Variants in ZNF423 observed in about 807,000 individuals in gnomAD.
ZNF423 encodes the protein zinc finger protein 423, also known as Ebf-associated zinc finger protein.
In ZNF423, 12 loss-of-function variants were observed where a neutral mutation model predicts 95.8. The observed-to-expected ratio is 0.13, with a 90% CI of 0.08 to 0.20. The LOEUF (loss-of-function observed/expected upper bound fraction) is 0.20. Among genes scored for constraint, ZNF423 ranks in the 10% least tolerant of loss-of-function variants. The probability of loss-of-function intolerance (pLI) is 1.00; values close to 1 mark genes in which losing one functional copy is unlikely to be tolerated. For synonymous variants in ZNF423, 749 were observed against 711.9 expected (o/e 1.05, Z -0.83); for missense variants, 1,316 against 1,737.1 (o/e 0.76, Z 4.31).
intron 3 of ZNF423, among the ~76,000 whole-genome samples, chr16:49,669,735 C>G (rs555153951): frequency 1.2e-4 from 19 of 152,050 alleles, no homozygotes; most frequent in African/African-American, 4.6e-4. Flanking sequence ...TCCAGGTCAC[C>G]CCCCACACAG....
At chr16:49,566,171 T>C (rs1158074945) in intron 5 of ZNF423, among the ~76,000 whole-genome samples, 7 of 152,170 alleles carry the variant, frequency 4.6e-5, no homozygotes, top group African/African-American at 1.7e-4. Context: ...TCCTGGCTTC[T>C]CCACCTGCTA....
At chr16:49,506,489 G>A (rs1451278331) in intron 7 of ZNF423, among the ~76,000 whole-genome samples, 1 of 143,802 alleles carries the variant, frequency 7.0e-6, no homozygotes, top group African/African-American at 2.7e-5. Context: ...TGGATGGATG[G>A]ATAGATGAAA....
intron 4 of ZNF423, among the ~76,000 whole-genome samples, chr16:49,627,667 CAT>C (rs909188438): frequency 7.3e-5 from 11 of 150,734 alleles, no homozygotes; most frequent in African/African-American, 2.4e-4. Flanking sequence ...TACACACACA[CAT>C]ACCCATATAC....
rs1966882143 is a variant in ZNF423, at chr16:49,488,972, T to A, written c.*2303A>T. 1 of 152,334 alleles carries A rather than the reference T, an allele frequency of 6.6e-6. No homozygotes were observed. Among genetic ancestry groups the A allele is most frequent in the African/African-American group, 2.4e-5 (1 of 41,406 alleles). The allele number at this position is 152,334 out of a possible 1,614,324, so 9.4% of individuals were successfully genotyped here. On this transcript the variant is annotated 3_prime_UTR_variant, in exon 8 of 8. Coordinates refer to ENST00000563137, the MANE Select transcript of ZNF423 (RefSeq NM_001379286.1). ...TTCCCTGGCTGCCTTGTCACCGCCA[T>A]AAACCTCATTACCTCACGGTCCCCT...
chr16:49,555,041 A>G (rs1230441764), intron 5 of ZNF423, among the ~76,000 whole-genome samples: 3 of 152,100 alleles, frequency 2.0e-5, no homozygotes, highest in Non-Finnish European at 4.4e-5. Context: ...AAGGAGTATC[A>G]TTTTCTTCTG....
intron 7 of ZNF423, among the ~76,000 whole-genome samples, chr16:49,494,058 C>A (rs1281644297): frequency 6.6e-6 from 1 of 152,162 alleles, no homozygotes; most frequent in Non-Finnish European, 1.5e-5. Context: ...GCCAGGATGC[C>A]AAGAACAGGC....
chr16:49,553,488 A>G (rs191832469), intron 5 of ZNF423, among the ~76,000 whole-genome samples: 2,683 of 152,158 alleles, frequency 0.018, 50 homozygotes, highest in Non-Finnish European at 0.023. Flanking sequence ...CTGGGACTAC[A>G]GGCATGCACC....
At position 49,639,044 on chromosome 16, in the gene ZNF423, C is replaced by G. The variant is rs147461655; in HGVS notation, c.302-170G>C. 2.4e-3 allele frequency among the ~76,000 whole-genome samples: 367 copies of G among 152,328 alleles called. 4 individuals carry two copies. Among genetic ancestry groups the G allele is most frequent in the African/African-American group, 8.6e-3 (356 of 41,584 alleles). Reference sequence around the variant, plus strand: ...GGAAGCAAGTGGACACCAGGGCCTTCCTGTCTGCAGAGGGCACGCCAGAGG... The same window carrying G: ...GGAAGCAAGTGGACACCAGGGCCTTGCTGTCTGCAGAGGGCACGCCAGAGG... On this transcript the variant is annotated intron_variant, in intron 3 of 7. Coordinates refer to ENST00000563137, the MANE Select transcript of ZNF423 (RefSeq NM_001379286.1).
intron 1 of ZNF423, among the ~76,000 whole-genome samples, chr16:49,848,839 A>G (rs967788558): frequency 6.6e-6 from 1 of 152,172 alleles, no homozygotes; most frequent in Non-Finnish European, 1.5e-5. Context: ...AGTTGGCAGC[A>G]GGGCAGCACC....
chr16:49,822,889 G>A (rs185705801), intron 1 of ZNF423, among the ~76,000 whole-genome samples: 3 of 152,260 alleles, frequency 2.0e-5, no homozygotes, highest in East Asian at 3.9e-4. Context: ...ACGCAGCCAG[G>A]ATTTAACTGC....
At chr16:49,740,375 G>A (rs2033389778) in intron 2 of ZNF423, among the ~76,000 whole-genome samples, 1 of 152,204 alleles carries the variant, frequency 6.6e-6, no homozygotes, top group South Asian at 2.1e-4. Context: ...CCCGGGAGGG[G>A]TGTGGCCAGG....
chr16:49,572,537 A>G (rs1970383229), intron 5 of ZNF423, among the ~76,000 whole-genome samples: 1 of 152,210 alleles, frequency 6.6e-6, no homozygotes, highest in African/African-American at 2.4e-5. Flanking sequence ...CACAGAGAGC[A>G]TAAGATAGCT....
intron 3 of ZNF423, among the ~76,000 whole-genome samples, chr16:49,674,411 G>A (rs1009452000): frequency 1.3e-5 from 2 of 152,150 alleles, no homozygotes; most frequent in African/African-American, 2.4e-5. Context: ...GCATACGTGT[G>A]CTGCAGCCGA....
At chr16:49,736,968 G>A (rs184487643) in intron 2 of ZNF423, among the ~76,000 whole-genome samples, 39 of 152,200 alleles carry the variant, frequency 2.6e-4, no homozygotes, top group Middle Eastern at 6.8e-3. Flanking sequence ...GCCTTGCCAG[G>A]GACAGAGGGC....
chr16:49,526,054 G>A (rs954035267), intron 5 of ZNF423, among the ~76,000 whole-genome samples: 1 of 152,092 alleles, frequency 6.6e-6, no homozygotes, highest in Non-Finnish European at 1.5e-5. Context: ...AGCACTCTAG[G>A]AGAGGGGTGG....
At chr16:49,777,575 C>T (rs529119876) in intron 2 of ZNF423, among the ~76,000 whole-genome samples, 1 of 152,218 alleles carries the variant, frequency 6.6e-6, no homozygotes, top group African/African-American at 2.4e-5. Flanking sequence ...AGTGGTGTGT[C>T]GCTGCAATGA....
chr16:49,628,323 C>T (rs1972379588), intron 4 of ZNF423, among the ~76,000 whole-genome samples: 1 of 151,748 alleles, frequency 6.6e-6, no homozygotes, highest in Non-Finnish European at 1.5e-5. Context: ...CATCCATCTT[C>T]CATCTACCCA....
intron 2 of ZNF423, among the ~76,000 whole-genome samples, chr16:49,754,331 G>A (rs1347524188): frequency 6.6e-6 from 1 of 152,178 alleles, no homozygotes; most frequent in East Asian, 1.9e-4. Context: ...ATTAATCCCC[G>A]ATGCCTAGCA....
intron 3 of ZNF423, among the ~76,000 whole-genome samples, chr16:49,715,434 G>A (rs886495194): frequency 6.6e-6 from 1 of 152,192 alleles, no homozygotes; most frequent in East Asian, 1.9e-4. Flanking sequence ...AGCACGGCCT[G>A]TTGACGGCTC....
Sources: allele counts gnomAD v4.1 joint callset (sites outside exome capture counted in the v4.1 genomes callset), GRCh38; gene constraint gnomAD v4.1.1; transcripts MANE v1.5; gene names NCBI Gene and HGNC (gene_info 2026-07-23, HGNC 2026-07-21).